The following CFAP47 variants were observed in gnomAD, a reference collection of about 807,000 sequenced individuals.
CFAP47 encodes cilia- and flagella-associated protein 47.
In CFAP47, 29 loss-of-function variants were observed where a neutral mutation model predicts 148.1. The ratio of observed to expected loss-of-function variants is 0.20; its 90% CI spans 0.15 to 0.27. The LOEUF is 0.27. CFAP47 is among the 10% of genes least tolerant of loss of function. The pLI, the probability that CFAP47 is intolerant of heterozygous loss-of-function variation, is 1.00. For synonymous variants in CFAP47, 664 were observed against 577.3 expected, an observed-to-expected ratio of 1.15 and a Z score of -2.15; for missense variants, 1,872 against 1,697.5, an observed-to-expected ratio of 1.10 and a Z score of -1.81.
At chrX:35,921,583 G>A (rs148787297) in intron 1 of CFAP47, among the ~76,000 whole-genome samples, 1 of 111,325 alleles carries the variant, frequency 9.0e-6, no homozygotes, top group East Asian at 2.8e-4. Flanking sequence ...TATTATAATT[G>A]GTTTTATTTC....
intron 39 of CFAP47, among the ~76,000 whole-genome samples, chrX:36,179,091 A>G (rs1365275253): frequency 2.7e-5 from 3 of 112,392 alleles, no homozygotes; most frequent in South Asian, 3.6e-4. Context: ...TGTCCTTGCT[A>G]TGAGAATTCA....
intron 46 of CFAP47, among the ~76,000 whole-genome samples, chrX:36,235,161 A>G (rs1277371984): frequency 9.0e-6 from 1 of 111,332 alleles, no homozygotes; most frequent in African/African-American, 3.3e-5. Flanking sequence ...TCAGACAGGG[A>G]CATTTAAGTC....
At chrX:36,320,076 T>G (rs977494390) in intron 57 of CFAP47, among the ~76,000 whole-genome samples, 4 of 111,454 alleles carry the variant, frequency 3.6e-5, no homozygotes, top group Non-Finnish European at 7.5e-5. Context: ...TCCACCTGCC[T>G]TGGCCTCCCA....
chrX:36,122,477 T>C (rs1389917401), intron 33 of CFAP47, among the ~76,000 whole-genome samples: 2 of 111,321 alleles, frequency 1.8e-5, no homozygotes, highest in African/African-American at 6.5e-5. Flanking sequence ...TTTGTAGACA[T>C]GCTACTTTTT....
intron 39 of CFAP47, among the ~76,000 whole-genome samples, chrX:36,164,408 A>G (rs932660189): frequency 2.7e-5 from 3 of 111,737 alleles, no homozygotes; most frequent in Admixed American, 9.5e-5. Context: ...TTGTTCATAT[A>G]AAATGTCTCT....
Position 36,021,330 on chromosome X carries a change from G to A in CFAP47, c.3556+6418G>A, listed in dbSNP as rs1383307515. 3.6e-5 allele frequency among the ~76,000 whole-genome samples: 4 copies of A among 109,793 alleles called. No individual in the cohort carries two copies. The East Asian group carries it at 1.2e-3, about 32-fold the overall frequency. ...TAATTTTTCTCTTTTTTGAGATGGTGTCTTGCTTTGTTGCCCAGGCTGGAG... is the reference window on the plus strand; with the variant it reads ...TAATTTTTCTCTTTTTTGAGATGGTATCTTGCTTTGTTGCCCAGGCTGGAG... On this transcript the variant is annotated intron_variant, in intron 22 of 63. Coordinates refer to ENST00000378653, the MANE Select transcript of CFAP47 (RefSeq NM_001304548.2).
chrX:36,310,457 A>G (rs3813159), intron 55 of CFAP47, among the ~76,000 whole-genome samples: 9,552 of 108,875 alleles, frequency 0.088, 451 homozygotes, highest in East Asian at 0.26. Context: ...TTTGAAATTC[A>G]CCCAAAGAGT....
rs369507828 is a variant in CFAP47 at position 36,197,067 on chromosome X, G to A, written c.6322-3312G>A. Among the ~76,000 whole-genome samples the A allele has an allele frequency of 6.3e-4, 70 of 111,690 alleles. 1 individual carries two copies. In the South Asian group the frequency reaches 0.025, roughly 39 times the overall value. On this transcript the variant is annotated intron_variant, in intron 42 of 63. Transcript: ENST00000378653. Reference sequence around the variant, plus strand: ...TAATGTTCTGACACAGGCAAGATAAGCATTATTTTCGATTATATTAAGTGA... The same window carrying A: ...TAATGTTCTGACACAGGCAAGATAAACATTATTTTCGATTATATTAAGTGA...
chrX:36,222,350 C>T (rs1940221296), intron 45 of CFAP47, among the ~76,000 whole-genome samples: 1 of 107,482 alleles, frequency 9.3e-6, no homozygotes, highest in Non-Finnish European at 2.0e-5. Context: ...TTTTCCTTTC[C>T]CCTCTCTCTT....
Position 36,058,950 on chromosome X carries a change from C to T in CFAP47, c.4218-6693C>T, listed in dbSNP as rs764352181. Among the ~76,000 whole-genome samples, 37 of 112,120 alleles carry T rather than the reference C, an allele frequency of 3.3e-4. No individual in the cohort carries two copies. In the East Asian group the frequency reaches 9.6e-3, roughly 29 times the overall value. On this transcript the variant is annotated intron_variant, in intron 26 of 63. Coordinates refer to ENST00000378653, the MANE Select transcript of CFAP47 (RefSeq NM_001304548.2). ...AATTTATAATCAACAAATATTCTTT[C>T]GGATTGTACTGCTCTAACTAATGAG...
At chrX:35,970,579 G>T (rs1161357020) in intron 10 of CFAP47, among the ~76,000 whole-genome samples, 189 bp from the exon 11 acceptor site, 1 of 110,808 alleles carries the variant, frequency 9.0e-6, no homozygotes, top group Non-Finnish European at 1.9e-5. Flanking sequence ...GAAAAAATAG[G>T]CTTCACTCTA....
intron 48 of CFAP47, among the ~76,000 whole-genome samples, chrX:36,237,738 GT>G (rs1940487962): frequency 8.9e-6 from 1 of 111,941 alleles, no homozygotes; most frequent in Non-Finnish European, 1.9e-5. Flanking sequence ...CCCACAAATA[GT>G]TATTTGCTCA....
chrX:35,972,755 G>A (rs954092340), intron 13 of CFAP47, among the ~76,000 whole-genome samples: 5 of 111,406 alleles, frequency 4.5e-5, no homozygotes, highest in African/African-American at 1.6e-4. Context: ...ACCACACTTT[G>A]TTTATCAATT....
chrX:36,144,770 C>T (rs1442228492), intron 35 of CFAP47: 40 of 1,026,126 alleles, frequency 3.9e-5, no homozygotes, highest in Non-Finnish European at 5.1e-5. Context: ...CCCTTTGGAG[C>T]AGGATGCATT....
In CFAP47 at chrX:36,251,408, A is replaced by T. The variant is rs972685077; in HGVS notation, c.7408A>T (p.Ile2470Phe). The change falls in exon 49 of 64, where the codon ATT becomes TTT. Residue 2470 changes from isoleucine to phenylalanine, a missense_variant. Transcript: ENST00000378653. ...CCCTTATAAAGAAATTCTGTACCTG[A>T]TTCATGTGCGCCCTTGGAAACGTGG... ...VYPYKEILYL[I>F]HVRPWKRGIL... is the part of the protein sequence containing the mutation. 2.0e-6 allele frequency: 1 copy of T among 508,394 alleles called. No homozygotes were observed. The highest frequency in any genetic ancestry group is 3.5e-6 in the Non-Finnish European group (1 of 283,289). The allele number at this position is 508,394 out of a possible 1,213,427, so 41.9% of individuals were successfully genotyped here.
intron 28 of CFAP47, 138 bp downstream of exon 28, chrX:36,072,109 A>G (rs750029019): frequency 1.8e-5 from 8 of 456,515 alleles, no homozygotes; most frequent in Non-Finnish European, 2.8e-5. Flanking sequence ...TTAATTTTAA[A>G]TGGATCATCT....
chrX:36,091,549 A>G (rs1364036442), intron 30 of CFAP47, among the ~76,000 whole-genome samples: 1 of 111,569 alleles, frequency 9.0e-6, no homozygotes, highest in Non-Finnish European at 1.9e-5. Context: ...TACCAATTTG[A>G]CTGTAATGAA....
At position 36,049,029 on chromosome X, in the gene CFAP47, G is replaced by T. The variant is rs1002161100; in HGVS notation, c.4217+1966G>T. Among the ~76,000 whole-genome samples, 5 of 111,315 alleles carry T rather than the reference G, an allele frequency of 4.5e-5. No individual in the cohort carries two copies. The East Asian group carries it at 1.1e-3, about 25-fold the overall frequency. On this transcript the variant is annotated intron_variant, in intron 26 of 63. Transcript: ENST00000378653. ...GAGTGAGAAATAGGGTGAGAACCAG[G>T]AGAGTGTGATGTTATGGATATCAAG...
intron 49 of CFAP47, among the ~76,000 whole-genome samples, chrX:36,272,630 A>G (rs1194591055): frequency 5.4e-5 from 6 of 110,680 alleles, no homozygotes; most frequent in African/African-American, 2.0e-4. Flanking sequence ...AAAGGGCAGT[A>G]TTTTTCTTCA....
Sources: gnomAD v4.1 joint callset for allele counts (sites outside exome capture counted in the v4.1 genomes callset) on GRCh38, gnomAD v4.1.1 for gene constraint, MANE v1.5 for transcripts, NCBI Gene and HGNC (gene_info 2026-07-23, HGNC 2026-07-21) for gene names.